Variants in KATNIP observed in about 807,000 individuals in gnomAD.
KATNIP encodes katanin-interacting protein.
KATNIP carries 126 observed loss-of-function variants against 174.0 expected under a neutral mutation model. The ratio of observed to expected loss-of-function variants is 0.72; its 90% CI spans 0.63 to 0.84. The LOEUF (loss-of-function observed/expected upper bound fraction) is 0.84. Ranked by LOEUF, KATNIP falls within the 40% of genes least tolerant of loss-of-function variation. The probability of loss-of-function intolerance (pLI) is 0.00; values close to 1 mark genes in which losing one functional copy is unlikely to be tolerated. For missense variants in KATNIP, 1,958 were observed against 2,109.7 expected (o/e 0.93, Z 1.41); for synonymous variants, 810 against 835.7 (o/e 0.97, Z 0.53).
intron 6 of KATNIP, among the ~76,000 whole-genome samples, chr16:27,657,558 C>T (rs1412365494): frequency 6.6e-6 from 1 of 151,822 alleles, no homozygotes; most frequent in African/African-American, 2.4e-5. Context: ...AAAATCCCAT[C>T]TCTACTAAAG....
intron 20 of KATNIP, among the ~76,000 whole-genome samples, chr16:27,768,073 C>T (rs920997816): frequency 6.6e-6 from 1 of 151,866 alleles, no homozygotes; most frequent in Non-Finnish European, 1.5e-5. Flanking sequence ...ACAATGGCTA[C>T]AGTGGGATGA....
intron 15 of KATNIP, among the ~76,000 whole-genome samples, chr16:27,741,139 G>T (rs1166401148): frequency 1.3e-5 from 2 of 152,354 alleles, no homozygotes; most frequent in South Asian, 2.1e-4. Flanking sequence ...AGATGTATTT[G>T]TCATTGCCAC....
chr16:27,655,177 GATATATATATATAT>G (rs869205308), intron 6 of KATNIP, among the ~76,000 whole-genome samples: 536 of 38,536 alleles, frequency 0.014, 14 homozygotes, highest in South Asian at 0.044. Context: ...CCCTAGAATG[GATATATATATATAT>G]ATATATATAT....
intron 19 of KATNIP, 76 bp from the exon 20 acceptor site, chr16:27,766,233 G>A (rs1005854812): frequency 2.1e-5 from 32 of 1,527,240 alleles, no homozygotes; most frequent in Non-Finnish European, 2.8e-5. Flanking sequence ...TTGGGGCCGA[G>A]GGGGTGGGGG....
Position 27,777,725 on chromosome 16 carries a change from C to A in KATNIP, c.4667C>A (p.Thr1556Asn), listed in dbSNP as rs376079323. 2.1e-5 allele frequency: 34 copies of A among 1,614,134 alleles called. No homozygotes were observed. The South Asian group carries it at 3.7e-4, about 18-fold the overall frequency. The change falls in exon 26 of 28, where the codon ACC becomes AAC. Residue 1556 changes from threonine (T) to asparagine (N), a missense_variant. Physicochemically the swap from Thr to Asn is moderately conservative, Grantham distance 65. Coordinates refer to ENST00000261588, the MANE Select transcript of KATNIP (RefSeq NM_015202.5). This position sits in a 1 kb window ranked among gnomAD's most constrained non-coding sequence, Gnocchi z 4.4. ...GTGCCCTACCACACCATCCTCTTCA[C>A]CGAGGACAGGGACATCCGCCACCAG... ...PTVPYHTILF[T>N]EDRDIRHQEK...
chr16:27,628,508 G>C, intron 3 of KATNIP, 153 bp from the exon 4 acceptor site: 2 of 779,078 alleles, frequency 2.6e-6, no homozygotes, highest in Non-Finnish European at 4.1e-6. Context: ...GGGCCTGTCA[G>C]AGGCTGTTTG....
At chr16:27,574,332 T>C in intron 2 of KATNIP, 1 of 254,142 alleles carries the variant, frequency 3.9e-6, no homozygotes, top group Non-Finnish European at 7.8e-6. Context: ...CTCATGTTTC[T>C]GCAGTTCATG....
At chr16:27,659,037 G>A (rs1335965353) in intron 6 of KATNIP, among the ~76,000 whole-genome samples, 1 of 152,014 alleles carries the variant, frequency 6.6e-6, no homozygotes, top group Non-Finnish European at 1.5e-5. Flanking sequence ...AAAGTGCTGG[G>A]ATTACAGGCG....
At chr16:27,748,157 T>C (rs2081362170) in intron 15 of KATNIP, among the ~76,000 whole-genome samples, 1 of 152,222 alleles carries the variant, frequency 6.6e-6, no homozygotes, top group Admixed American at 6.5e-5. Flanking sequence ...GGCTCTCATG[T>C]TCCATAAGGA....
At chr16:27,717,210 G>A (rs1005510026) in intron 13 of KATNIP, among the ~76,000 whole-genome samples, 1 of 152,082 alleles carries the variant, frequency 6.6e-6, no homozygotes. Flanking sequence ...TTCACTCAGC[G>A]TAATGCCCTT....
intron 1 of KATNIP, among the ~76,000 whole-genome samples, chr16:27,568,902 G>T (rs1379420043): frequency 6.6e-6 from 1 of 152,028 alleles, no homozygotes; most frequent in Non-Finnish European, 1.5e-5. Flanking sequence ...TACCAGACTC[G>T]ATGGGAGTGA....
rs753181641 is a variant in KATNIP at position 27,777,586 on chromosome 16, G to A, written c.4552-24G>A. ...CGTGGGAGGGACGAGGGGGACCCATGAGTCCTGCCCCGTGTCCCTGCAGCT... is the reference window on the plus strand; with the variant it reads ...CGTGGGAGGGACGAGGGGGACCCATAAGTCCTGCCCCGTGTCCCTGCAGCT... On this transcript the variant is annotated intron_variant, in intron 25 of 27. Transcript: ENST00000261588. This position sits in a 1 kb window ranked among gnomAD's most constrained non-coding sequence, Gnocchi z 4.4. The A allele has an allele frequency of 6.3e-7, 1 of 1,582,744 alleles. No individual in the cohort carries two copies. The highest frequency in any genetic ancestry group is 8.6e-7 in the Non-Finnish European group (1 of 1,161,998).
intron 2 of KATNIP, among the ~76,000 whole-genome samples, chr16:27,581,432 G>A (rs973656913): frequency 6.6e-6 from 1 of 152,124 alleles, no homozygotes; most frequent in Non-Finnish European, 1.5e-5. Context: ...TTATCTTGTA[G>A]CAAGCTGACC....
intron 5 of KATNIP, among the ~76,000 whole-genome samples, chr16:27,638,597 G>C (rs1466559382): frequency 6.6e-6 from 1 of 152,142 alleles, no homozygotes; most frequent in African/African-American, 2.4e-5. Flanking sequence ...ACCAAGAGAG[G>C]GACCACAGTC....
intron 6 of KATNIP, among the ~76,000 whole-genome samples, chr16:27,649,058 G>A (rs997923013): frequency 3.3e-5 from 5 of 152,190 alleles, no homozygotes; most frequent in South Asian, 2.1e-4. Context: ...AGAGGATCCC[G>A]GAAGGCTTCC....
chr16:27,561,211 C>T (rs1017308577), intron 1 of KATNIP, among the ~76,000 whole-genome samples: 1 of 150,064 alleles, frequency 6.7e-6, no homozygotes, highest in Non-Finnish European at 1.5e-5. Flanking sequence ...TCAGTAGGGA[C>T]GGGGTTTCAC....
chr16:27,701,012 C>T (rs905699360), intron 10 of KATNIP, among the ~76,000 whole-genome samples: 9 of 152,026 alleles, frequency 5.9e-5, no homozygotes, highest in Middle Eastern at 3.4e-3. Context: ...ACATTTTTAG[C>T]GTCGATGACA....
chr16:27,759,987 G>A (rs1037750765), intron 18 of KATNIP, among the ~76,000 whole-genome samples: 2 of 152,160 alleles, frequency 1.3e-5, no homozygotes, highest in African/African-American at 4.8e-5. Context: ...GCACCACGAA[G>A]GAGGAAAAGG....
intron 20 of KATNIP, among the ~76,000 whole-genome samples, chr16:27,766,739 C>T (rs778519802): frequency 8.5e-5 from 13 of 152,324 alleles, no homozygotes; most frequent in Non-Finnish European, 1.6e-4. Context: ...CAGGCCCCAG[C>T]TTGCCATGGT....
Sources: allele counts gnomAD v4.1 joint callset (sites outside exome capture counted in the v4.1 genomes callset), GRCh38; gene constraint gnomAD v4.1.1; non-coding constraint Gnocchi (gnomAD v3.1); transcripts MANE v1.5; gene names NCBI Gene and HGNC (gene_info 2026-07-23, HGNC 2026-07-21).